Variants in CDK17 observed in about 807,000 individuals in gnomAD.
CDK17 encodes cyclin-dependent kinase 17.
In CDK17, 24 loss-of-function variants were observed where a neutral mutation model predicts 77.6. The observed-to-expected ratio is 0.31, with a 90% CI of 0.22 to 0.44. The LOEUF is 0.44. Among genes scored for constraint, CDK17 ranks in the 20% least tolerant of loss-of-function variants. The pLI, the probability that CDK17 is intolerant of heterozygous loss-of-function variation, is 1.00. For synonymous variants in CDK17, 203 were observed against 210.4 expected (o/e 0.96, Z 0.30); for missense variants, 429 against 622.5 (o/e 0.69, Z 3.31).
At chr12:96,280,391 G>A (rs1448886503) in intron 16 of CDK17, 112 bp from the exon 17 acceptor site, 2 of 1,498,886 alleles carry the variant, frequency 1.3e-6, no homozygotes, top group African/African-American at 2.8e-5. Context: ...AATATTCCAT[G>A]GTAAGAGTGA....
chr12:96,346,905 C>T (rs1364671717), intron 1 of CDK17, among the ~76,000 whole-genome samples: 1 of 149,662 alleles, frequency 6.7e-6, no homozygotes, highest in African/African-American at 2.5e-5. Flanking sequence ...GGGAGGGAGA[C>T]TCTGTCTCAA....
At chr12:96,355,465 C>T (rs1305415946) in intron 1 of CDK17, among the ~76,000 whole-genome samples, 1 of 131,378 alleles carries the variant, frequency 7.6e-6, no homozygotes, top group Non-Finnish European at 1.5e-5. Flanking sequence ...AGTGTAATGG[C>T]ACGATCTCAG....
intron 1 of CDK17, among the ~76,000 whole-genome samples, chr12:96,348,304 C>A (rs1425151370): frequency 1.3e-5 from 2 of 151,842 alleles, no homozygotes; most frequent in Non-Finnish European, 1.5e-5. Flanking sequence ...GTGGGTGGAC[C>A]ACCTGAGGTC....
At chr12:96,280,956 A>T in intron 15 of CDK17, 71 bp from the exon 16 acceptor site, 1 of 1,208,676 alleles carries the variant, frequency 8.3e-7, no homozygotes, top group Non-Finnish European at 1.2e-6. Flanking sequence ...ACTATCAACA[A>T]ATGTTTATAA....
chr12:96,293,141 AT>A (rs750256888), intron 10 of CDK17, among the ~76,000 whole-genome samples: 1 of 152,022 alleles, frequency 6.6e-6, no homozygotes, highest in African/African-American at 2.4e-5. Flanking sequence ...TATGAAAAAC[AT>A]TTTTTTTATA....
intron 7 of CDK17, 57 bp from the exon 8 acceptor site, chr12:96,297,778 A>G: frequency 1.1e-6 from 1 of 947,278 alleles, no homozygotes; most frequent in South Asian, 1.4e-5. Context: ...AAAAACCTGA[A>G]GTAAGTTGAA....
intron 3 of CDK17, among the ~76,000 whole-genome samples, chr12:96,314,411 G>A (rs1206576021): frequency 6.6e-6 from 1 of 152,034 alleles, no homozygotes; most frequent in African/African-American, 2.4e-5. Flanking sequence ...TTGCCTTGTT[G>A]TTCAGGCTCA....
rs561700999 is a variant in CDK17, at chr12:96,331,425, G to A, written c.118+3294C>T. 4.4e-4 allele frequency among the ~76,000 whole-genome samples: 66 copies of A among 151,654 alleles called. 1 individual carries two copies. The highest frequency in any genetic ancestry group is 6.8e-3 in the Middle Eastern group (2 of 294). ...TTTAGGGAAAGGTGTATTGAGTTAA[G>A]GCCAGAATCCTTAAATGAACCAAAT... is the stretch of plus-strand genomic sequence containing the variant. On this transcript the variant is annotated intron_variant, in intron 2 of 16. Transcript: ENST00000261211.
In CDK17 at chr12:96,323,991, G is replaced by T; in HGVS notation, c.240C>A (p.Ser80Arg). ...LRRPHSVIGG[S>R]LGSFMAMPRN... ...TGGGCATTGCCATGAAGGAGCCAAGGCTCCCTCCAATAACACTGTGTGGTC... is the reference window on the plus strand; with the variant it reads ...TGGGCATTGCCATGAAGGAGCCAAGTCTCCCTCCAATAACACTGTGTGGTC... Residue 80 changes from serine (S) to arginine (R), a missense_variant, in exon 3 of 17, where the codon AGC (serine) becomes AGA (arginine). Physicochemically the swap from Ser to Arg is moderately radical, Grantham distance 110. Around this residue, in one of 4 missense-constraint regions of CDK17, gnomAD observed 262 missense variants for 385.4 expected, o/e 0.68. Transcript: ENST00000261211. 6.2e-7 allele frequency: 1 copy of T among 1,605,146 alleles called. No homozygotes were observed. The highest frequency in any genetic ancestry group is 8.5e-7 in the Non-Finnish European group (1 of 1,175,912).
At chr12:96,336,761 T>C (rs1357514559) in intron 1 of CDK17, among the ~76,000 whole-genome samples, 1 of 152,230 alleles carries the variant, frequency 6.6e-6, no homozygotes, top group African/African-American at 2.4e-5. Context: ...CTCTTAGTTT[T>C]AGTTACTATA....
chr12:96,308,229 T>TAAAAAAAAAAAAAAAAAAAAAA (rs61572243), intron 5 of CDK17, among the ~76,000 whole-genome samples: 6 of 63,766 alleles, frequency 9.4e-5, no homozygotes, highest in Admixed American at 2.0e-4. Context: ...ATGCCATCTC[T>TAAAAAAAAAAAAAAAAAAAAAA]AAAAAAAAAA....
At chr12:96,340,129 G>A (rs896098218) in intron 1 of CDK17, among the ~76,000 whole-genome samples, 30 of 151,530 alleles carry the variant, frequency 2.0e-4, no homozygotes, top group African/African-American at 7.0e-4. Context: ...ATGTCAGCAT[G>A]GTTTTAAGAG....
chr12:96,383,022 ACT>A (rs575679500), intron 1 of CDK17, among the ~76,000 whole-genome samples: 95 of 152,302 alleles, frequency 6.2e-4, no homozygotes, highest in African/African-American at 2.3e-3. Context: ...AACTCTAAAG[ACT>A]CTGCCAAAAG....
chr12:96,300,400 T>C, intron 5 of CDK17, 40 bp from the exon 6 acceptor site: 1 of 1,299,196 alleles, frequency 7.7e-7, no homozygotes, highest in Non-Finnish European at 1.1e-6. Context: ...TTTACTTTTT[T>C]TTTTTTTTTT....
At chr12:96,358,896 G>A (rs1049198110) in intron 1 of CDK17, among the ~76,000 whole-genome samples, 1 of 124,150 alleles carries the variant, frequency 8.1e-6, no homozygotes, top group African/African-American at 3.1e-5. Flanking sequence ...AGTCAAAAGA[G>A]TGAATTTCTT....
chr12:96,316,751 C>A (rs1201852791), intron 3 of CDK17, among the ~76,000 whole-genome samples: 1 of 126,934 alleles, frequency 7.9e-6, no homozygotes, highest in South Asian at 2.6e-4. Flanking sequence ...AGGGTCCTGT[C>A]TGTTAGAAGG....
intron 2 of CDK17, among the ~76,000 whole-genome samples, chr12:96,324,532 C>T (rs989338810): frequency 2.6e-5 from 4 of 151,994 alleles, no homozygotes; most frequent in Non-Finnish European, 5.9e-5. Context: ...TTTGGGAGGC[C>T]GAGGCAGGCG....
chr12:96,286,868 C>T (rs568228688), intron 11 of CDK17, 107 bp from the exon 12 acceptor site: 8 of 764,658 alleles, frequency 1.0e-5, no homozygotes, highest in East Asian at 1.0e-4. Flanking sequence ...ACTAGCCTGT[C>T]GGAAAACCTC....
At chr12:96,288,078 T>C (rs924820045) in intron 11 of CDK17, among the ~76,000 whole-genome samples, 22 of 152,104 alleles carry the variant, frequency 1.4e-4, no homozygotes, top group African/African-American at 5.3e-4. Flanking sequence ...TTTTGCAAGA[T>C]GAAAAAGATT....
Sources: allele counts gnomAD v4.1 joint callset (sites outside exome capture counted in the v4.1 genomes callset), GRCh38; gene constraint gnomAD v4.1.1; regional missense constraint gnomAD v4.1.1; transcripts MANE v1.5; gene names NCBI Gene and HGNC (gene_info 2026-07-23, HGNC 2026-07-21).